The following DNAH12 variants were observed in gnomAD, a reference collection of about 807,000 sequenced individuals.
The protein encoded by DNAH12 is axonemal beta dynein heavy chain 12.
Under a neutral mutation model 371.5 loss-of-function variants are expected in DNAH12, and 285 were observed. That is an observed-to-expected ratio of 0.77 (90% CI 0.70 to 0.85). The LOEUF is 0.85. Ranked by LOEUF, DNAH12 falls within the 40% of genes least tolerant of loss-of-function variation. DNAH12 has a pLI of 0.00. For synonymous variants in DNAH12, 1,200 were observed against 1,213.0 expected (o/e 0.99, Z 0.22); for missense variants, 3,611 against 3,689.4 (o/e 0.98, Z 0.55).
intron 16 of DNAH12, 103 bp from the exon 17 acceptor site, chr3:57,469,082 G>A: frequency 1.8e-6 from 2 of 1,118,198 alleles, no homozygotes; most frequent in South Asian, 1.6e-5. Context: ...AGAGAAAAAT[G>A]AGGGCAAGAG....
chr3:57,481,099 G>A (rs1214551660), intron 13 of DNAH12, among the ~76,000 whole-genome samples: 1 of 152,150 alleles, frequency 6.6e-6, no homozygotes, highest in East Asian at 1.9e-4. Flanking sequence ...GAAATAAAGG[G>A]TATTCAGTTA....
chr3:57,314,352 T>C (rs566133122), intron 66 of DNAH12, 142 bp downstream of exon 66: 87 of 1,034,940 alleles, frequency 8.4e-5, no homozygotes, highest in Non-Finnish European at 1.2e-4. Context: ...CAGATGGAGA[T>C]AGTGCTTCAT....
intron 62 of DNAH12, among the ~76,000 whole-genome samples, chr3:57,331,077 T>C (rs1000635654): frequency 1.6e-4 from 24 of 152,214 alleles, no homozygotes; most frequent in African/African-American, 4.6e-4. Flanking sequence ...CTCTAAATCC[T>C]GGCGATACAG....
At chr3:57,302,529 G>GTTTATATATATATA (rs879293648) in intron 69 of DNAH12, among the ~76,000 whole-genome samples, 1,732 of 47,756 alleles carry the variant, frequency 0.036, 324 homozygotes, top group East Asian at 0.12. Flanking sequence ...GGCATCAGGT[G>GTTTATATATATATA]TATATATATA....
intron 62 of DNAH12, among the ~76,000 whole-genome samples, chr3:57,333,311 A>C (rs980076493): frequency 1.6e-5 from 2 of 127,876 alleles, no homozygotes; most frequent in South Asian, 4.6e-4. Flanking sequence ...GCCCGGATAC[A>C]TGTTCTTTTT....
At chr3:57,489,828 T>C in intron 11 of DNAH12, 141 bp from the exon 12 acceptor site, 2 of 808,902 alleles carry the variant, frequency 2.5e-6, no homozygotes, top group Non-Finnish European at 3.6e-6. Context: ...TTTTCCCTTG[T>C]TGCATACATA....
chr3:57,382,948 G>A (rs2063425825), intron 49 of DNAH12, among the ~76,000 whole-genome samples: 1 of 152,168 alleles, frequency 6.6e-6, no homozygotes, highest in African/African-American at 2.4e-5. Context: ...AGTTTTTCAT[G>A]CAATTAAAGT....
At position 57,310,816 on chromosome 3, in the gene DNAH12, A is replaced by T. The variant is rs1227106189; in HGVS notation, c.10797T>A (p.Asn3599Lys). 1 of 1,551,636 alleles carries T rather than the reference A, an allele frequency of 6.4e-7. No individual in the cohort carries two copies. The highest frequency in any genetic ancestry group is 2.0e-5 in the Admixed American group (1 of 50,998). The change falls in exon 67 of 74, where the codon AAT becomes AAA. Residue 3599 changes from asparagine to lysine, a missense_variant. Physicochemically the swap from Asn to Lys is moderately conservative, Grantham distance 94. Coordinates refer to ENST00000495027, the MANE Select transcript of DNAH12 (RefSeq NM_001366028.2). Reference sequence around the variant, plus strand: ...AATGAGGGTTTTCAACTATGTACAGATTATAAAAGTCAGCCAGCATGGTTA... The same window carrying T: ...AATGAGGGTTTTCAACTATGTACAGTTTATAAAAGTCAGCCAGCATGGTTA... Reference protein sequence around the residue: ...LLLTMLADFYNLYIVENPHYK... With the variant: ...LLLTMLADFYKLYIVENPHYK...
At chr3:57,508,687 G>T in intron 6 of DNAH12, 147 bp from the exon 7 acceptor site, 1 of 811,282 alleles carries the variant, frequency 1.2e-6, no homozygotes. Flanking sequence ...GGAACCTTAA[G>T]ATATATGCAT....
rs749735266 is a variant in DNAH12 at position 57,419,451 on chromosome 3, T to G, written c.5630A>C (p.Gln1877Pro). ...GACTATGATATCTTGAATCTTGATTTGTTTATCTCCTAAATTAGTATTTTT... is the reference window on the plus strand; with the variant it reads ...GACTATGATATCTTGAATCTTGATTGGTTTATCTCCTAAATTAGTATTTTT... ...LIKNTNLGDK[Q>P]IKIQDIIVPT... The change falls in exon 37 of 74, where the codon CAA becomes CCA. Residue 1877 changes from glutamine to proline, a missense_variant. Physicochemically the swap from Gln to Pro is moderately conservative, Grantham distance 76. Coordinates refer to ENST00000495027, the MANE Select transcript of DNAH12 (RefSeq NM_001366028.2). The G allele has an allele frequency of 6.6e-7, 1 of 1,506,002 alleles. No homozygotes were observed. 93.3% of individuals were successfully genotyped at this position (1,506,002 alleles called of 1,614,324 possible). A position where few individuals can be genotyped will look rare whatever the true frequency, so the allele number is the denominator to read the frequency against.
intron 44 of DNAH12, among the ~76,000 whole-genome samples, chr3:57,393,749 C>T (rs1376378054): frequency 1.3e-5 from 2 of 149,552 alleles, no homozygotes; most frequent in African/African-American, 5.0e-5. Flanking sequence ...AAATCACAAA[C>T]AAGACTTTCA....
At chr3:57,465,636 T>C (rs963728190) in intron 17 of DNAH12, among the ~76,000 whole-genome samples, 3 of 152,008 alleles carry the variant, frequency 2.0e-5, no homozygotes, top group Middle Eastern at 3.4e-3. Flanking sequence ...AATAATTACA[T>C]AAAATTAAAA....
intron 11 of DNAH12, among the ~76,000 whole-genome samples, chr3:57,490,246 T>C (rs1404948141): frequency 1.3e-5 from 2 of 152,036 alleles, no homozygotes; most frequent in East Asian, 1.9e-4. Flanking sequence ...GGTGGGAGGA[T>C]TGCTTGAGCC....
At chr3:57,555,997 G>T in the DNAH12 span, among the ~76,000 whole-genome samples, 1 of 152,220 alleles carries the variant, frequency 6.6e-6, no homozygotes, top group Non-Finnish European at 1.5e-5. Context: ...TCCAAGACAG[G>T]TGTCCACCTC....
intron 2 of DNAH12, among the ~76,000 whole-genome samples, chr3:57,534,043 G>C (rs184242457): frequency 2.2e-4 from 34 of 152,274 alleles, no homozygotes; most frequent in Admixed American, 1.8e-3. Context: ...CTGATCACTG[G>C]GATGTGCGAT....
At chr3:57,337,528 G>A (rs990236489) in intron 60 of DNAH12, among the ~76,000 whole-genome samples, 7 of 152,080 alleles carry the variant, frequency 4.6e-5, no homozygotes, top group African/African-American at 7.2e-5. Context: ...GCATGGTGAC[G>A]TATGCCTGTA....
intron 12 of DNAH12, among the ~76,000 whole-genome samples, chr3:57,487,671 A>C (rs886202835): frequency 2.0e-5 from 3 of 152,182 alleles, no homozygotes; most frequent in African/African-American, 7.2e-5. Context: ...TTTTGATGTT[A>C]TCTAAAGTAC....
intron 2 of DNAH12, among the ~76,000 whole-genome samples, chr3:57,526,578 G>A (rs1356698938): frequency 6.7e-6 from 1 of 149,322 alleles, no homozygotes; most frequent in Admixed American, 6.7e-5. Flanking sequence ...TGCCAGGCTG[G>A]AGTGTGGTGG....
At position 57,429,788 on chromosome 3, in the gene DNAH12, T is replaced by C. The variant is rs2064899964; in HGVS notation, c.4981-14A>G. On this transcript the variant is annotated splice_polypyrimidine_tract_variant and intron_variant, in intron 32 of 73. Coordinates refer to ENST00000495027, the MANE Select transcript of DNAH12 (RefSeq NM_001366028.2). ...CATAAGGCAAAGCTAAAAGCAATTA[T>C]TTTTCAAATGTTTATTTTTTAAAAT... 2.0e-6 allele frequency: 3 copies of C among 1,495,856 alleles called. No individual in the cohort carries two copies. The East Asian group carries it at 7.6e-5, about 38-fold the overall frequency. 92.7% of individuals were successfully genotyped at this position (1,495,856 alleles called of 1,614,324 possible).
Sources: allele counts gnomAD v4.1 joint callset (sites outside exome capture counted in the v4.1 genomes callset), GRCh38; gene constraint gnomAD v4.1.1; transcripts MANE v1.5; gene names NCBI Gene and HGNC (gene_info 2026-07-23, HGNC 2026-07-21).